Variants in CNTN5 observed in about 807,000 individuals in gnomAD.
CNTN5 encodes contactin 5.
CNTN5 carries 77 observed loss-of-function variants against 129.1 expected under a neutral mutation model. The ratio of observed to expected loss-of-function variants is 0.60; its 90% confidence interval spans 0.50 to 0.72. The LOEUF is 0.72. Ranked by LOEUF, CNTN5 falls within the 30% of genes least tolerant of loss-of-function variation. The pLI is 0.00. For synonymous variants in CNTN5, 509 were observed against 465.6 expected (o/e 1.09, Z -1.20); for missense variants, 1,478 against 1,328.8 (o/e 1.11, Z -1.75).
At chr11:99,351,643 C>A (rs76012364) in intron 2 of CNTN5, among the ~76,000 whole-genome samples, 7,757 of 152,180 alleles carry the variant, frequency 0.051, 222 homozygotes, top group Middle Eastern at 0.068. Context: ...CCCAATCTAC[C>A]TATACAGTAT....
chr11:100,271,034 C>G, intron 17 of CNTN5, 58 bp from the exon 18 acceptor site: 1 of 1,358,904 alleles, frequency 7.4e-7, no homozygotes, highest in Non-Finnish European at 1.0e-6. Flanking sequence ...TTCTTGATTG[C>G]CATTTGTAGC....
intron 3 of CNTN5, among the ~76,000 whole-genome samples, chr11:99,716,308 C>T (rs1055993303): frequency 6.6e-5 from 10 of 152,006 alleles, no homozygotes; most frequent in South Asian, 2.1e-4. Flanking sequence ...TCCTAGACTT[C>T]GGCATGTTAA....
chr11:99,286,991 C>G (rs1306655589), intron 1 of CNTN5, among the ~76,000 whole-genome samples: 1 of 152,134 alleles, frequency 6.6e-6, no homozygotes, highest in Non-Finnish European at 1.5e-5. Flanking sequence ...ATAACTCTTT[C>G]AACAATACCT....
chr11:100,131,008 A>G (rs1322392509), intron 13 of CNTN5, among the ~76,000 whole-genome samples: 5 of 152,132 alleles, frequency 3.3e-5, no homozygotes, highest in Non-Finnish European at 5.9e-5. Flanking sequence ...CAAGATGGTA[A>G]CGGAGAGCAG....
intron 2 of CNTN5, among the ~76,000 whole-genome samples, chr11:99,450,469 A>G (rs1944256668): frequency 6.6e-6 from 1 of 152,264 alleles, no homozygotes; most frequent in Middle Eastern, 3.4e-3. Context: ...AGAACTATGT[A>G]TATAGTTACA....
Position 100,044,170 on chromosome 11 carries a change from G to A in CNTN5, c.981-17042G>A, listed in dbSNP as rs1057116718. On this transcript the variant is annotated intron_variant, in intron 9 of 24. Coordinates refer to ENST00000524871, the MANE Select transcript of CNTN5 (RefSeq NM_014361.4). ...TACACACATATATATTACATATCAT[G>A]TATATATATATATACGTGATATGTA... Among the ~76,000 whole-genome samples the A allele has an allele frequency of 5.2e-4, 78 of 150,180 alleles. 1 individual carries two copies. In the East Asian group the frequency reaches 0.012, roughly 23 times the overall value.
chr11:99,673,633 T>G (rs1953143749), intron 3 of CNTN5, among the ~76,000 whole-genome samples: 1 of 152,124 alleles, frequency 6.6e-6, no homozygotes, highest in African/African-American at 2.4e-5. Context: ...TGTGTGTTGT[T>G]CCCCTCTATA....
chr11:100,096,346 A>T (rs1398042125), intron 13 of CNTN5, among the ~76,000 whole-genome samples: 1 of 152,066 alleles, frequency 6.6e-6, no homozygotes, highest in African/African-American at 2.4e-5. Flanking sequence ...TCGCGCTTTC[A>T]ATATGTTAAG....
At position 100,182,553 on chromosome 11, in the gene CNTN5, T is replaced by C. The variant is rs80094248; in HGVS notation, c.1581-8573T>C. Among the ~76,000 whole-genome samples, 1,109 of 152,212 alleles carry C rather than the reference T, an allele frequency of 7.3e-3. 9 individuals carry two copies. Among genetic ancestry groups the C allele is most frequent in the African/African-American group, 0.025 (1,039 of 41,560 alleles). ...GACATAAACATCCAGATCATAGAAGTTCATCATTTCAAAATCAAAGTATGA... is the reference window on the plus strand; with the variant it reads ...GACATAAACATCCAGATCATAGAAGCTCATCATTTCAAAATCAAAGTATGA... On this transcript the variant is annotated intron_variant, in intron 13 of 24. Transcript: ENST00000524871.
intron 2 of CNTN5, among the ~76,000 whole-genome samples, chr11:99,362,884 T>C (rs1278999262): frequency 1.3e-5 from 2 of 149,704 alleles, no homozygotes; most frequent in East Asian, 3.9e-4. Context: ...TGTAGGTCTG[T>C]ACTTAGGACA....
intron 2 of CNTN5, among the ~76,000 whole-genome samples, chr11:99,529,839 G>T (rs1450898018): frequency 6.6e-6 from 1 of 151,818 alleles, no homozygotes; most frequent in Admixed American, 6.6e-5. Context: ...AGTGGAGTAT[G>T]GAAAAGAAAA....
intron 3 of CNTN5, among the ~76,000 whole-genome samples, chr11:99,773,461 T>A (rs1945012430): frequency 6.6e-6 from 1 of 152,106 alleles, no homozygotes; most frequent in South Asian, 2.1e-4. Flanking sequence ...ATTATCACAG[T>A]CTTTGGTTTT....
At chr11:99,993,175 G>C (rs879455017) in intron 8 of CNTN5, among the ~76,000 whole-genome samples, 3 of 152,142 alleles carry the variant, frequency 2.0e-5, no homozygotes, top group Admixed American at 2.0e-4. Flanking sequence ...ATGTAGCCAA[G>C]TCAGACAGTC....
intron 3 of CNTN5, among the ~76,000 whole-genome samples, chr11:99,709,178 C>T (rs1457070862): frequency 6.6e-6 from 1 of 151,858 alleles, no homozygotes; most frequent in Non-Finnish European, 1.5e-5. Flanking sequence ...TTAAAATGTT[C>T]CCTGTGAATT....
At chr11:99,231,914 C>T (rs895022895) in intron 1 of CNTN5, among the ~76,000 whole-genome samples, 1 of 152,062 alleles carries the variant, frequency 6.6e-6, no homozygotes, top group Non-Finnish European at 1.5e-5. Context: ...GAATCATTTC[C>T]TCATTGCTTG....
intron 1 of CNTN5, among the ~76,000 whole-genome samples, chr11:99,323,671 T>G (rs915513286): frequency 1.3e-5 from 2 of 152,102 alleles, no homozygotes; most frequent in Admixed American, 1.3e-4. Context: ...AACATTCATC[T>G]TAATGACAAT....
At chr11:99,397,955 C>T (rs928634929) in intron 2 of CNTN5, among the ~76,000 whole-genome samples, 2 of 151,798 alleles carry the variant, frequency 1.3e-5, no homozygotes, top group Non-Finnish European at 1.5e-5. Flanking sequence ...TACACGCCTA[C>T]AAATATTGCT....
chr11:99,687,225 G>A, intron 3 of CNTN5, among the ~76,000 whole-genome samples: 1 of 152,018 alleles, frequency 6.6e-6, no homozygotes. Flanking sequence ...GTACTGACCT[G>A]CCCAGTTGGC....
chr11:99,851,289 A>G (rs1947866195), intron 6 of CNTN5, among the ~76,000 whole-genome samples: 1 of 152,172 alleles, frequency 6.6e-6, no homozygotes, highest in Non-Finnish European at 1.5e-5. Flanking sequence ...TTTTAAGGTT[A>G]AAATTAAAAA....
Sources: gnomAD v4.1 joint callset for allele counts (sites outside exome capture counted in the v4.1 genomes callset) on GRCh38, gnomAD v4.1.1 for gene constraint, MANE v1.5 for transcripts, NCBI Gene and HGNC (gene_info 2026-07-23, HGNC 2026-07-21) for gene names.